The following NRXN3 variants were observed in gnomAD, a reference collection of about 807,000 sequenced individuals.
The protein encoded by NRXN3 is neurexin 3.
A neutral mutation model predicts 137.6 loss-of-function variants in NRXN3; 32 were observed. That is an observed-to-expected ratio of 0.23 (90% CI 0.18 to 0.31). NRXN3 has a LOEUF of 0.31. NRXN3 is among the 10% of genes least tolerant of loss of function. The pLI, the probability that NRXN3 is intolerant of heterozygous loss-of-function variation, is 1.00. For missense variants in NRXN3, 1,574 were observed against 2,062.5 expected (o/e 0.76, Z 4.59); for synonymous variants, 798 against 784.5 (o/e 1.02, Z -0.29).
intron 15 of NRXN3, among the ~76,000 whole-genome samples, chr14:79,429,887 G>A (rs2095717596): frequency 1.3e-5 from 2 of 152,004 alleles, no homozygotes; most frequent in Non-Finnish European, 2.9e-5. Flanking sequence ...GAGAGTGAAA[G>A]AGTTTTAAGC....
intron 6 of NRXN3, among the ~76,000 whole-genome samples, chr14:78,675,696 C>G (rs1249470510): frequency 3.3e-5 from 5 of 152,100 alleles, no homozygotes; most frequent in African/African-American, 1.2e-4. Context: ...AAACAACTAT[C>G]CTGAAGTTTC....
At chr14:79,019,586 G>A (rs779530646) in intron 15 of NRXN3, among the ~76,000 whole-genome samples, 14 of 152,116 alleles carry the variant, frequency 9.2e-5, no homozygotes, top group East Asian at 1.9e-4. Flanking sequence ...AATTATGTCC[G>A]TGCTCGGGTG....
In NRXN3 at chr14:78,344,820, C is replaced by T. The variant is rs142527093; in HGVS notation, c.757+46960C>T. ...GGAGTGCTTGTTACAAATGCTGGTACCTAGACCCCATCTCAACTCTCAGAT... is the reference window on the plus strand; with the variant it reads ...GGAGTGCTTGTTACAAATGCTGGTATCTAGACCCCATCTCAACTCTCAGAT... On this transcript the variant is annotated intron_variant, in intron 4 of 20. Coordinates refer to ENST00000335750, the MANE Select transcript of NRXN3 (RefSeq NM_001330195.2). Among the ~76,000 whole-genome samples, 30 of 152,242 alleles carry T rather than the reference C, an allele frequency of 2.0e-4. No homozygotes were observed. In the East Asian group the frequency reaches 5.8e-3, roughly 29 times the overall value.
chr14:78,524,701 T>C (rs1270011752), intron 4 of NRXN3, among the ~76,000 whole-genome samples: 1 of 152,178 alleles, frequency 6.6e-6, no homozygotes, highest in East Asian at 1.9e-4. Flanking sequence ...CTAACCTATA[T>C]TCAAAGAGGT....
At chr14:78,812,261 G>A in intron 10 of NRXN3, among the ~76,000 whole-genome samples, 1 of 152,036 alleles carries the variant, frequency 6.6e-6, no homozygotes, top group South Asian at 2.1e-4. Flanking sequence ...GACATTTTAT[G>A]TACATGGAAT....
intron 20 of NRXN3, among the ~76,000 whole-genome samples, chr14:79,834,903 A>G (rs2141318831): frequency 6.6e-6 from 1 of 152,208 alleles, no homozygotes. Context: ...CAGTGACAAT[A>G]CGAAACCAGA....
chr14:79,530,772 A>G (rs981201632), intron 16 of NRXN3, among the ~76,000 whole-genome samples: 16 of 152,246 alleles, frequency 1.1e-4, no homozygotes, highest in East Asian at 5.8e-4. Flanking sequence ...ATACCTGTAA[A>G]CAAAAAGTTC....
chr14:78,856,856 C>T (rs1310643930), intron 10 of NRXN3, among the ~76,000 whole-genome samples: 1 of 152,082 alleles, frequency 6.6e-6, no homozygotes, highest in South Asian at 2.1e-4. Context: ...GCCTTGGCCT[C>T]CCGAGTAGCT....
chr14:78,832,010 A>T (rs1406148020), intron 10 of NRXN3, among the ~76,000 whole-genome samples: 2 of 152,122 alleles, frequency 1.3e-5, no homozygotes, highest in Non-Finnish European at 2.9e-5. Context: ...AGAGGAGGAC[A>T]AAAAGGTTAA....
chr14:78,765,157 T>C (rs1479365828), intron 8 of NRXN3, among the ~76,000 whole-genome samples: 1 of 152,124 alleles, frequency 6.6e-6, no homozygotes, highest in Non-Finnish European at 1.5e-5. Context: ...GTCCTTTTTT[T>C]GTTTTGTTTG....
At chr14:78,746,242 G>A (rs1220717358) in intron 8 of NRXN3, among the ~76,000 whole-genome samples, 1 of 152,136 alleles carries the variant, frequency 6.6e-6, no homozygotes, top group Non-Finnish European at 1.5e-5. Flanking sequence ...ATTTATGAAG[G>A]TTGATTTCTA....
At chr14:79,133,446 A>G (rs992681318) in intron 15 of NRXN3, among the ~76,000 whole-genome samples, 16 of 152,022 alleles carry the variant, frequency 1.1e-4, no homozygotes, top group Non-Finnish European at 2.2e-4. Context: ...GTCAGACTTT[A>G]TTCTTATCTA....
intron 16 of NRXN3, among the ~76,000 whole-genome samples, chr14:79,591,665 A>G (rs765060167): frequency 2.0e-5 from 3 of 152,194 alleles, no homozygotes; most frequent in African/African-American, 7.2e-5. Flanking sequence ...TTATATATTG[A>G]ATACAAAAGA....
At chr14:78,736,130 T>A (rs2098540162) in intron 8 of NRXN3, among the ~76,000 whole-genome samples, 1 of 125,510 alleles carries the variant, frequency 8.0e-6, no homozygotes, top group Non-Finnish European at 1.9e-5. Context: ...CACATACACA[T>A]AGATCCATGT....
intron 15 of NRXN3, among the ~76,000 whole-genome samples, chr14:79,169,752 C>G (rs2061604965): frequency 6.6e-6 from 1 of 152,024 alleles, no homozygotes; most frequent in Non-Finnish European, 1.5e-5. Flanking sequence ...AGGGCTTTTT[C>G]TAACAATTAT....
At chr14:79,483,770 C>CGT (rs375964299) in intron 16 of NRXN3, among the ~76,000 whole-genome samples, 4 of 142,120 alleles carry the variant, frequency 2.8e-5, no homozygotes, top group Non-Finnish European at 4.4e-5. Context: ...GGAAATGATG[C>CGT]GTGTGTGTGT....
intron 11 of NRXN3, among the ~76,000 whole-genome samples, chr14:78,961,154 G>T (rs530656475): frequency 6.6e-6 from 1 of 152,152 alleles, no homozygotes; most frequent in South Asian, 2.1e-4. Context: ...GGCAAAATAT[G>T]AAGATTCTTG....
At chr14:78,861,164 A>G (rs1331668695) in intron 10 of NRXN3, among the ~76,000 whole-genome samples, 17 of 152,166 alleles carry the variant, frequency 1.1e-4, no homozygotes, top group Admixed American at 1.1e-3. Flanking sequence ...ATGGAAGGTA[A>G]TCACAACAGG....
chr14:79,129,483 C>T (rs1300399915), intron 15 of NRXN3, among the ~76,000 whole-genome samples: 82 of 148,272 alleles, frequency 5.5e-4, no homozygotes, highest in African/African-American at 1.6e-3. Flanking sequence ...TGTAGTTGAG[C>T]GGTTTTGAGT....
Sources: allele counts gnomAD v4.1 joint callset (sites outside exome capture counted in the v4.1 genomes callset), GRCh38; gene constraint gnomAD v4.1.1; transcripts MANE v1.5; gene names NCBI Gene and HGNC (gene_info 2026-07-23, HGNC 2026-07-21).